Variants in PRKCA observed in about 807,000 individuals in gnomAD.
The protein encoded by PRKCA is protein kinase C alpha type.
PRKCA carries 27 observed loss-of-function variants against 87.0 expected under a neutral mutation model. That is an observed-to-expected ratio of 0.31 (90% CI 0.23 to 0.43). The LOEUF is 0.43. Ranked by LOEUF, PRKCA falls within the 20% of genes least tolerant of loss-of-function variation. PRKCA has a pLI of 1.00. For missense variants in PRKCA, 518 were observed against 852.3 expected (o/e 0.61, Z 4.88); for synonymous variants, 329 against 311.1 (o/e 1.06, Z -0.61).
chr17:66,594,264 G>A (rs976452005), intron 3 of PRKCA, among the ~76,000 whole-genome samples: 3 of 152,238 alleles, frequency 2.0e-5, no homozygotes, highest in Middle Eastern at 6.8e-3. Context: ...ATCTGATCGC[G>A]TTGCCCAGTG....
intron 2 of PRKCA, among the ~76,000 whole-genome samples, chr17:66,377,395 A>T (rs1909483760): frequency 1.3e-5 from 2 of 151,842 alleles, no homozygotes; most frequent in Admixed American, 1.3e-4. Context: ...ACCAAGAAAC[A>T]GGAATTTACT....
intron 3 of PRKCA, among the ~76,000 whole-genome samples, chr17:66,568,573 A>G (rs1298799287): frequency 1.3e-5 from 2 of 152,140 alleles, no homozygotes; most frequent in African/African-American, 2.4e-5. Context: ...GCTCATTCGT[A>G]TAGCTGGTGT....
At chr17:66,740,421 C>G (rs913015177) in intron 11 of PRKCA, among the ~76,000 whole-genome samples, 3 of 152,130 alleles carry the variant, frequency 2.0e-5, no homozygotes, top group Non-Finnish European at 4.4e-5. Context: ...GGCATGTACC[C>G]TGATGAATGA....
intron 5 of PRKCA, among the ~76,000 whole-genome samples, chr17:66,679,442 G>C (rs1284027489): frequency 6.6e-6 from 1 of 152,088 alleles, no homozygotes; most frequent in African/African-American, 2.4e-5. Flanking sequence ...TGGCCTCCCA[G>C]AGTGCTGGGA....
rs561606022 is a variant in PRKCA, at chr17:66,734,036, G to A, written c.1056+1211G>A. ...AGCTCCTACTGCTAGGGAGTTTAGC[G>A]AGAGTGGTTTATCTTGTAGCTGTAG... On this transcript the variant is annotated intron_variant, in intron 9 of 16. Transcript: ENST00000413366. Among the ~76,000 whole-genome samples the A allele has an allele frequency of 7.4e-4, 113 of 152,330 alleles. 1 individual carries two copies. The highest frequency in any genetic ancestry group is 2.5e-3 in the African/African-American group (103 of 41,570).
At chr17:66,391,014 G>A (rs551622159) in intron 2 of PRKCA, among the ~76,000 whole-genome samples, 20 of 152,280 alleles carry the variant, frequency 1.3e-4, no homozygotes, top group Non-Finnish European at 2.8e-4. Context: ...GGTGTAAAGA[G>A]AGATTTTCCA....
At chr17:66,623,250 T>C (rs971387131) in intron 3 of PRKCA, among the ~76,000 whole-genome samples, 6 of 152,210 alleles carry the variant, frequency 3.9e-5, no homozygotes, top group Admixed American at 6.5e-5. Context: ...GATTATTCCA[T>C]CCTTAATTAC....
intron 3 of PRKCA, among the ~76,000 whole-genome samples, chr17:66,557,451 A>T (rs1968533193): frequency 6.6e-6 from 1 of 152,176 alleles, no homozygotes; most frequent in South Asian, 2.1e-4. Context: ...GTGCAAAAAA[A>T]AAAAAAGATG....
chr17:66,791,215 C>T (rs1488820661), intron 16 of PRKCA, among the ~76,000 whole-genome samples: 1 of 145,228 alleles, frequency 6.9e-6, no homozygotes, highest in Non-Finnish European at 1.5e-5. Context: ...TTGCCCCTGG[C>T]TGTGAAGAAA....
At chr17:66,525,638 G>T (rs1018457618) in intron 3 of PRKCA, among the ~76,000 whole-genome samples, 3 of 152,158 alleles carry the variant, frequency 2.0e-5, no homozygotes, top group Non-Finnish European at 4.4e-5. Flanking sequence ...GAAAGGTATG[G>T]GACTAACATG....
At chr17:66,501,939 A>T (rs1461950840) in intron 3 of PRKCA, among the ~76,000 whole-genome samples, 1 of 152,112 alleles carries the variant, frequency 6.6e-6, no homozygotes, top group Non-Finnish European at 1.5e-5. Flanking sequence ...TGCTCTGGCC[A>T]TGATGGGGTG....
In PRKCA at chr17:66,759,217, G is replaced by A. The variant is rs201880000; in HGVS notation, c.1525-14770G>A. ...AAAATACAAAAAAAATTAGCCGGGC[G>A]TGGTGGCGGGCACCTGTAGTCCCAG... is the stretch of plus-strand genomic sequence containing the variant. On this transcript the variant is annotated intron_variant, in intron 13 of 16. Transcript: ENST00000413366. 2.4e-4 allele frequency among the ~76,000 whole-genome samples: 36 copies of A among 152,110 alleles called. 2 individuals carry two copies. The highest frequency in any genetic ancestry group is 3.4e-3 in the Middle Eastern group (1 of 294).
chr17:66,732,682 A>G lies in PRKCA; in HGVS notation c.919-6A>G. The G allele has an allele frequency of 6.2e-7, 1 of 1,613,950 alleles. No individual in the cohort carries two copies. Among genetic ancestry groups the G allele is most frequent in the Non-Finnish European group, 8.5e-7 (1 of 1,179,956 alleles). ...CACGTGTTTCCCATTTGTGCTTGTT[A>G]TTTAGAAAGCCAAACTTGGCCCTGC... On this transcript the variant is annotated splice_polypyrimidine_tract_variant and splice_region_variant and intron_variant, in intron 8 of 16. Transcript: ENST00000413366.
At chr17:66,347,029 T>TAAAA (rs201832571) in intron 2 of PRKCA, among the ~76,000 whole-genome samples, 1 of 139,694 alleles carries the variant, frequency 7.2e-6, no homozygotes. Context: ...AGACTCCATC[T>TAAAA]AAAAAAAAAA....
chr17:66,476,891 A>G (rs755819436), intron 2 of PRKCA, among the ~76,000 whole-genome samples: 8 of 152,194 alleles, frequency 5.3e-5, no homozygotes, highest in Non-Finnish European at 1.0e-4. Context: ...TAGAGTGGGT[A>G]CTGTGTCTCA....
chr17:66,565,940 G>C (rs996375181), intron 3 of PRKCA, among the ~76,000 whole-genome samples: 1 of 152,102 alleles, frequency 6.6e-6, no homozygotes, highest in Non-Finnish European at 1.5e-5. Context: ...CAAGTGTCTT[G>C]CCTGCAATGA....
chr17:66,623,062 A>G (rs1970735915), intron 3 of PRKCA, among the ~76,000 whole-genome samples: 1 of 152,210 alleles, frequency 6.6e-6, no homozygotes, highest in African/African-American at 2.4e-5. Context: ...TAGGACAGAC[A>G]TTAGGACAGT....
At chr17:66,708,204 G>A (rs777926825) in intron 8 of PRKCA, among the ~76,000 whole-genome samples, 3 of 152,214 alleles carry the variant, frequency 2.0e-5, no homozygotes, top group Non-Finnish European at 2.9e-5. Flanking sequence ...GGTGGCTGTC[G>A]TGTCTTCAGC....
At chr17:66,722,330 A>G (rs1485108296) in intron 8 of PRKCA, among the ~76,000 whole-genome samples, 1 of 152,224 alleles carries the variant, frequency 6.6e-6, no homozygotes, top group Non-Finnish European at 1.5e-5. Context: ...GTCTCCAGCC[A>G]TCCAGCCCCT....
Sources: gnomAD v4.1 joint callset for allele counts (sites outside exome capture counted in the v4.1 genomes callset) on GRCh38, gnomAD v4.1.1 for gene constraint, MANE v1.5 for transcripts, NCBI Gene and HGNC (gene_info 2026-07-23, HGNC 2026-07-21) for gene names.